The following SLC1A2 variants were observed in gnomAD, a reference collection of about 807,000 sequenced individuals.
The protein encoded by SLC1A2 is solute carrier family 1 member 2.
SLC1A2 carries 15 observed loss-of-function variants against 48.8 expected under a neutral mutation model. That is an observed-to-expected ratio of 0.31 (90% CI 0.21 to 0.47). The LOEUF (loss-of-function observed/expected upper bound fraction) is 0.47, where lower values mean the gene tolerates loss of function less well. Ranked by LOEUF, SLC1A2 falls within the 20% of genes least tolerant of loss-of-function variation. The pLI is 0.99. For synonymous variants in SLC1A2, 279 were observed against 272.6 expected, an observed-to-expected ratio of 1.02 and a Z score of -0.23; for missense variants, 502 against 730.5, an observed-to-expected ratio of 0.69 and a Z score of 3.61.
chr11:35,418,029 A>T (rs1277684364), intron 1 of SLC1A2, among the ~76,000 whole-genome samples: 1 of 152,198 alleles, frequency 6.6e-6, no homozygotes, highest in Middle Eastern at 3.2e-3. Flanking sequence ...GGAATTAACC[A>T]AAGGGCTGAG....
At chr11:35,330,681 A>G (rs1852397668) in intron 1 of SLC1A2, among the ~76,000 whole-genome samples, 2 of 152,166 alleles carry the variant, frequency 1.3e-5, no homozygotes, top group Non-Finnish European at 2.9e-5. Flanking sequence ...AGGGAAACAG[A>G]AAAGAAAGAA....
intron 1 of SLC1A2, among the ~76,000 whole-genome samples, chr11:35,376,830 CCT>C (rs1305283887): frequency 6.6e-6 from 1 of 152,174 alleles, no homozygotes; most frequent in Non-Finnish European, 1.5e-5. Context: ...ATCATCTCCC[CCT>C]CTCTTTGACT....
At chr11:35,279,586 G>A (rs1052889277) in intron 9 of SLC1A2, among the ~76,000 whole-genome samples, 3 of 152,140 alleles carry the variant, frequency 2.0e-5, no homozygotes, top group Non-Finnish European at 4.4e-5. Flanking sequence ...ACATACACCT[G>A]AGAAACTTTT....
chr11:35,338,980 C>A (rs1432839229), intron 1 of SLC1A2, among the ~76,000 whole-genome samples: 1 of 152,168 alleles, frequency 6.6e-6, no homozygotes. Flanking sequence ...AGGGACACAA[C>A]CAACGGGTGA....
chr11:35,284,668 T>A (rs1467663436), intron 8 of SLC1A2, among the ~76,000 whole-genome samples: 1 of 152,086 alleles, frequency 6.6e-6, no homozygotes, highest in African/African-American at 2.4e-5. Context: ...CTGGAATGGT[T>A]AGAAGGAGAG....
chr11:35,302,105 T>G (rs1164390179), intron 5 of SLC1A2, among the ~76,000 whole-genome samples: 1 of 152,252 alleles, frequency 6.6e-6, no homozygotes, highest in African/African-American at 2.4e-5. Flanking sequence ...TAGCTTGTTT[T>G]GGTATTATCC....
At chr11:35,320,375 A>G (rs1361975385) in intron 1 of SLC1A2, among the ~76,000 whole-genome samples, 1 of 152,236 alleles carries the variant, frequency 6.6e-6, no homozygotes, top group Non-Finnish European at 1.5e-5. Context: ...TTGTACTGTA[A>G]TTGTCTGCTT....
rs1368885873 is a variant in SLC1A2, at chr11:35,265,639, A to G, written c.1541T>C (p.Ile514Thr). 1.9e-6 allele frequency: 3 copies of G among 1,612,948 alleles called. No individual in the cohort carries two copies. The Admixed American group carries it at 5.0e-5, about 27-fold the overall frequency. ...AATGGATTGAGTCTTGGTCATTTCA[A>G]TATCTTCATGCACTCGATGCTGGGA... ...IDSQHRVHED[I>T]EMTKTQSIYD... is the part of the protein sequence containing the mutation. The change falls in exon 10 of 11, where the codon ATT becomes ACT. Residue 514 changes from isoleucine to threonine, a missense_variant. This residue lies in a region of SLC1A2 where 102 missense variants were observed against 107.2 expected (regional missense o/e 0.95). Coordinates refer to ENST00000278379, the MANE Select transcript of SLC1A2 (RefSeq NM_004171.4).
chr11:35,404,209 C>A (rs770290930), intron 1 of SLC1A2: 1 of 152,298 alleles, frequency 6.6e-6, no homozygotes, highest in South Asian at 2.1e-4. Context: ...TTTTTTCAAT[C>A]CCTTGAGTGT....
At chr11:35,282,965 C>A (rs746141446) in intron 8 of SLC1A2, among the ~76,000 whole-genome samples, 2 of 151,538 alleles carry the variant, frequency 1.3e-5, no homozygotes, top group African/African-American at 4.9e-5. Flanking sequence ...CTTTGCCTGG[C>A]CTTCCACTCC....
At chr11:35,353,667 C>A (rs1312839448) in intron 1 of SLC1A2, among the ~76,000 whole-genome samples, 1 of 152,130 alleles carries the variant, frequency 6.6e-6, no homozygotes, top group Admixed American at 6.5e-5. Flanking sequence ...GGCAAATATC[C>A]CTAATAGCAA....
intron 1 of SLC1A2, among the ~76,000 whole-genome samples, chr11:35,337,380 G>C (rs1852674138): frequency 6.6e-6 from 1 of 152,192 alleles, no homozygotes; most frequent in Admixed American, 6.5e-5. Context: ...AACGTGGCGA[G>C]AGGTGTTTGG....
At position 35,419,270 on chromosome 11, in the gene SLC1A2, C is replaced by T. The variant is rs1405304394; in HGVS notation, c.-304G>A. 1.4e-5 allele frequency: 5 copies of T among 345,868 alleles called. No individual in the cohort carries two copies. Among genetic ancestry groups the T allele is most frequent in the South Asian group, 9.3e-5 (1 of 10,734 alleles). 21.4% of individuals were successfully genotyped at this position (345,868 alleles called of 1,614,324 possible). On this transcript the variant is annotated 5_prime_UTR_variant, in exon 1 of 11. Transcript: ENST00000278379. This position sits in a 1 kb window ranked among gnomAD's most constrained non-coding sequence, Gnocchi z 5.4. ...GGGTGGCTTCCCCGAGAGAGCGATG[C>T]GCCCAGGGCTGCAGGAGGGCGCACG...
chr11:35,279,941 T>C (rs1003419627), intron 9 of SLC1A2, among the ~76,000 whole-genome samples: 2 of 152,240 alleles, frequency 1.3e-5, no homozygotes, highest in Non-Finnish European at 2.9e-5. Flanking sequence ...ACTATGCTTT[T>C]ATGTGTGTGC....
intron 1 of SLC1A2, among the ~76,000 whole-genome samples, chr11:35,336,441 C>T (rs1173210374): frequency 6.6e-6 from 1 of 152,106 alleles, no homozygotes; most frequent in Non-Finnish European, 1.5e-5. Context: ...TTGCTTTCAC[C>T]CAATGGGCTT....
At position 35,280,885 on chromosome 11, in the gene SLC1A2, A is replaced by G; in HGVS notation, c.1403T>C (p.Val468Ala). ...CACTTACAGCAGCCAGTCCACAGCC[A>G]CCAGCAGGCTGATGTCCTCTGTTGG... ...GLPTEDISLL[V>A]AVDWLLDRMR... Residue 468 changes from valine to alanine, a missense_variant, in exon 9 of 11, where the codon GTG (valine) becomes GCG (alanine). Val to Ala is a moderately conservative substitution (Grantham distance 64). Transcript: ENST00000278379. 1 of 1,611,484 alleles carries G rather than the reference A, an allele frequency of 6.2e-7. No individual in the cohort carries two copies. The highest frequency in any genetic ancestry group is 8.5e-7 in the Non-Finnish European group (1 of 1,178,742).
intron 1 of SLC1A2, among the ~76,000 whole-genome samples, chr11:35,376,017 T>A (rs1268283477): frequency 6.6e-6 from 1 of 152,138 alleles, no homozygotes; most frequent in Non-Finnish European, 1.5e-5. Flanking sequence ...TAACCTCCAG[T>A]ATCAGTAATA....
At chr11:35,363,242 C>T (rs1853739199) in intron 1 of SLC1A2, among the ~76,000 whole-genome samples, 1 of 152,100 alleles carries the variant, frequency 6.6e-6, no homozygotes, top group Non-Finnish European at 1.5e-5. Context: ...GAAAGCAAAA[C>T]CATCTTTTGG....
At chr11:35,310,986 G>T (rs539554985) in intron 4 of SLC1A2, among the ~76,000 whole-genome samples, 1 of 151,946 alleles carries the variant, frequency 6.6e-6, no homozygotes, top group African/African-American at 2.4e-5. Flanking sequence ...TCCTGACAAG[G>T]ACATTTTTAC....
Sources: gnomAD v4.1 joint callset for allele counts (sites outside exome capture counted in the v4.1 genomes callset) on GRCh38, gnomAD v4.1.1 for gene constraint, gnomAD v4.1.1 regional missense constraint, Gnocchi (gnomAD v3.1) non-coding constraint, MANE v1.5 for transcripts, NCBI Gene and HGNC (gene_info 2026-07-23, HGNC 2026-07-21) for gene names.